The following GALNT6 variants were observed in gnomAD, a reference collection of about 807,000 sequenced individuals.
The protein encoded by GALNT6 is polypeptide N-acetylgalactosaminyltransferase 6, also known as GalNAc transferase 6.
Under a neutral mutation model 65.9 loss-of-function variants are expected in GALNT6, and 51 were observed. The observed-to-expected ratio is 0.77, with a 90% CI of 0.62 to 0.98. GALNT6 has a LOEUF of 0.98. Among genes scored for constraint, GALNT6 ranks in the 50% least tolerant of loss-of-function variants. GALNT6 has a pLI of 0.00. For missense variants in GALNT6, 708 were observed against 803.3 expected (o/e 0.88, Z 1.43); for synonymous variants, 323 against 315.1 (o/e 1.02, Z -0.26).
rs1352148628 is a variant in GALNT6 at position 51,360,948 on chromosome 12, C to T, written c.1050-110G>A. 15 of 663,632 alleles carry T rather than the reference C, an allele frequency of 2.3e-5. No individual in the cohort carries two copies. The African/African-American group carries it at 2.5e-4, about 11-fold the overall frequency. 41.1% of individuals were successfully genotyped at this position (663,632 alleles called of 1,614,324 possible). A position where few individuals can be genotyped will look rare whatever the true frequency, so the allele number is the denominator to read the frequency against. ...TCCTAACCCACCTCCCCCTCCTTTC[C>T]TCTTTCTCAGGACGTGCAGCCCCTC... On this transcript the variant is annotated intron_variant, in intron 6 of 11. Transcript: ENST00000356317.
In GALNT6 at chr12:51,379,740, G is replaced by C. The variant is rs375373484; in HGVS notation, c.42C>G (p.Ala14=). ...AGAGCACAAAGGCGCAGCCCACCAT[G>C]GCCAGGCGCAGGGGCATGTGGCGTC... is the stretch of plus-strand genomic sequence containing the variant. ...LRRRHMPLRL[A]MVGCAFVLFL... Residue 14 remains alanine, a synonymous_variant, in exon 3 of 12, where the codon GCC becomes GCG. Coordinates refer to ENST00000356317, the MANE Select transcript of GALNT6 (RefSeq NM_007210.4). 6 of 1,612,402 alleles carry C rather than the reference G, an allele frequency of 3.7e-6. No individual in the cohort carries two copies. The African/African-American group carries it at 8.0e-5, about 22-fold the overall frequency.
chr12:51,355,826 C>T lies in GALNT6; in HGVS notation c.1735G>A (p.Glu579Lys), dbSNP rs749412571. The T allele has an allele frequency of 9.3e-6, 15 of 1,613,446 alleles. No individual in the cohort carries two copies. The highest frequency in any genetic ancestry group is 2.2e-5 in the South Asian group (2 of 91,046). Residue 579 changes from glutamate (E) to lysine (K), a missense_variant, in exon 11 of 12, where the codon GAG (glutamate) becomes AAG (lysine). Coordinates refer to ENST00000356317, the MANE Select transcript of GALNT6 (RefSeq NM_007210.4). The part of the protein sequence containing the change: ...TGKNSQVPKD[E>K]EWELAQDQLI... ...CTCACCTGGGCCAATTCCCATTCCTCGTCCTTGGGGACCTGGCTATTCTTG... is the reference window on the plus strand; with the variant it reads ...CTCACCTGGGCCAATTCCCATTCCTTGTCCTTGGGGACCTGGCTATTCTTG...
intron 2 of GALNT6, among the ~76,000 whole-genome samples, chr12:51,380,303 C>G (rs1382102951): frequency 6.6e-6 from 1 of 152,104 alleles, no homozygotes; most frequent in Non-Finnish European, 1.5e-5. Context: ...ACATTTAAGC[C>G]AACACTGACT....
chr12:51,368,577 T>G (rs1334704998), intron 4 of GALNT6, among the ~76,000 whole-genome samples: 1 of 152,016 alleles, frequency 6.6e-6, no homozygotes, highest in African/African-American at 2.4e-5. Context: ...GCTAATTTTT[T>G]GTATTTTTTG....
chr12:51,357,221 C>T (rs530237597), intron 10 of GALNT6, 128 bp downstream of exon 10: 671 of 639,952 alleles, frequency 1.0e-3, no homozygotes, highest in Non-Finnish European at 1.5e-3. Flanking sequence ...CCTTCTCCTC[C>T]GACTGGAAGC....
intron 4 of GALNT6, among the ~76,000 whole-genome samples, chr12:51,366,544 G>A (rs1346427614): frequency 6.6e-6 from 1 of 152,142 alleles, no homozygotes; most frequent in Non-Finnish European, 1.5e-5. Flanking sequence ...CACCTACCAC[G>A]GACCAGGCAC....
intron 11 of GALNT6, among the ~76,000 whole-genome samples, chr12:51,355,555 C>T (rs1000783621): frequency 3.3e-5 from 5 of 152,128 alleles, no homozygotes; most frequent in East Asian, 1.9e-4. Flanking sequence ...CTGCAACCTC[C>T]GCCTCCTGGG....
In GALNT6 at chr12:51,357,394, C is replaced by A. The variant is rs148799204; in HGVS notation, c.1557G>T (p.Gly519=). The change falls in exon 10 of 12, where the codon GGG becomes GGT. Residue 519 remains glycine (G), a synonymous_variant. Transcript: ENST00000356317. Reference sequence around the variant, plus strand: ...GGCAGGAGTACATGATGAGGGGCTTCCCCCCGCGGTTGTTCTCACCCACAT... The same window carrying A: ...GGCAGGAGTACATGATGAGGGGCTTACCCCCGCGGTTGTTCTCACCCACAT... ...CLDVGENNRG[G]KPLIMYSCHG... is the part of the protein sequence containing the mutation. 9.4e-5 allele frequency: 151 copies of A among 1,613,446 alleles called. No individual in the cohort carries two copies. The highest frequency in any genetic ancestry group is 3.0e-4 in the Admixed American group (18 of 60,002).
intron 10 of GALNT6, among the ~76,000 whole-genome samples, chr12:51,357,127 C>T (rs1946771516): frequency 6.6e-6 from 1 of 152,162 alleles, no homozygotes; most frequent in African/African-American, 2.4e-5. Flanking sequence ...GATGAACAAC[C>T]CTCCCTCCCA....
At chr12:51,358,887 TCTC>T (rs1946831506) in intron 8 of GALNT6, among the ~76,000 whole-genome samples, 1 of 151,918 alleles carries the variant, frequency 6.6e-6, no homozygotes, top group East Asian at 1.9e-4. Flanking sequence ...TTCCTCCAAA[TCTC>T]CTTTCCCTCC....
Position 51,354,448 on chromosome 12 carries a change from G to A in GALNT6, c.1800C>T (p.Ser600=). 1 of 1,593,372 alleles carries A rather than the reference G, an allele frequency of 6.3e-7. No homozygotes were observed. The highest frequency in any genetic ancestry group is 8.5e-7 in the Non-Finnish European group (1 of 1,172,250). The change falls in exon 12 of 12, where the codon TCC becomes TCT. Residue 600 remains serine (S), a synonymous_variant. Coordinates refer to ENST00000356317, the MANE Select transcript of GALNT6 (RefSeq NM_007210.4). The stretch of plus-strand genomic sequence containing the variant: ...GGGCCATGGCTGGCTTTTTGTCCTG[G>A]GATGTCAGGCAGGTACCAGATCCTG... The part of the protein sequence containing the change: ...RNSGSGTCLT[S]QDKKPAMAPC...
rs769886850 is a variant in GALNT6, at chr12:51,360,738, C to T, written c.1150G>A (p.Val384Met). 65 of 1,603,966 alleles carry T rather than the reference C, an allele frequency of 4.1e-5. No individual in the cohort carries two copies. The highest frequency in any genetic ancestry group is 5.2e-5 in the Non-Finnish European group (61 of 1,170,898). ...NQMEIWGGEN[V>M]EMSFRVWQCG... Reference sequence around the variant, plus strand: ...ACTCTCACCCGGAAGGACATTTCCACGTTCTCCCCTCCCCAGATCTCCATC... The same window carrying T: ...ACTCTCACCCGGAAGGACATTTCCATGTTCTCCCCTCCCCAGATCTCCATC... Residue 384 changes from valine (V) to methionine (M), a missense_variant, in exon 7 of 12, where the codon GTG (valine) becomes ATG (methionine). Val to Met is a conservative substitution (Grantham distance 21). Coordinates refer to ENST00000356317, the MANE Select transcript of GALNT6 (RefSeq NM_007210.4).
chr12:51,381,510 T>C (rs562984870), intron 2 of GALNT6, among the ~76,000 whole-genome samples: 5 of 152,296 alleles, frequency 3.3e-5, no homozygotes, highest in African/African-American at 1.2e-4. Flanking sequence ...CCTCTTCTAG[T>C]AGTAGCACCT....
chr12:51,364,675 T>G (rs1413449970), intron 5 of GALNT6, among the ~76,000 whole-genome samples: 1 of 152,214 alleles, frequency 6.6e-6, no homozygotes, highest in African/African-American at 2.4e-5. Context: ...GGCCCAGCCC[T>G]CCGGGCCCAC....
rs565663657 is a variant in GALNT6, at chr12:51,351,864, C to A, written c.*2515G>T. ...GGACAACACAGGTAAGAGAACACAA[C>A]GCGAGTTTCCTTGACCAATGCCAGA... On this transcript the variant is annotated 3_prime_UTR_variant, in exon 12 of 12. Coordinates refer to ENST00000356317, the MANE Select transcript of GALNT6 (RefSeq NM_007210.4). 6.6e-6 allele frequency: 1 copy of A among 152,226 alleles called. No homozygotes were observed. Among genetic ancestry groups the A allele is most frequent in the South Asian group, 2.1e-4 (1 of 4,820 alleles). 9.4% of individuals were successfully genotyped at this position (152,226 alleles called of 1,614,324 possible).
At chr12:51,385,305 A>G (rs1947797646) in intron 2 of GALNT6, among the ~76,000 whole-genome samples, 1 of 152,190 alleles carries the variant, frequency 6.6e-6, no homozygotes, top group Non-Finnish European at 1.5e-5. Flanking sequence ...GTAAACTTTT[A>G]TTTTAATGTT....
chr12:51,369,782 C>G (rs867068939), intron 4 of GALNT6, among the ~76,000 whole-genome samples: 4 of 152,272 alleles, frequency 2.6e-5, no homozygotes, highest in Middle Eastern at 3.4e-3. Flanking sequence ...ATGCTAGAAT[C>G]CCCCCTGCTG....
chr12:51,385,531 G>A (rs544408762), intron 2 of GALNT6, among the ~76,000 whole-genome samples: 6 of 152,118 alleles, frequency 3.9e-5, no homozygotes, highest in South Asian at 2.1e-4. Flanking sequence ...CACAGGTACC[G>A]GGTCTCGCTA....
chr12:51,379,280 G>A lies in GALNT6; in HGVS notation c.491+11C>T. 1.3e-6 allele frequency: 2 copies of A among 1,519,730 alleles called. No individual in the cohort carries two copies. The highest frequency in any genetic ancestry group is 1.8e-6 in the Non-Finnish European group (2 of 1,136,772). The allele number at this position is 1,519,730 out of a possible 1,614,324, so 94.1% of individuals were successfully genotyped here. On this transcript the variant is annotated intron_variant, in intron 3 of 11. Transcript: ENST00000356317. Reference sequence around the variant, plus strand: ...CCTGGTCTCCCCACAAGGACTCTGGGTGCTACTTACTCAGGTGGTCGGGTG... The same window carrying A: ...CCTGGTCTCCCCACAAGGACTCTGGATGCTACTTACTCAGGTGGTCGGGTG...
Sources: gnomAD v4.1 joint callset for allele counts (sites outside exome capture counted in the v4.1 genomes callset) on GRCh38, gnomAD v4.1.1 for gene constraint, MANE v1.5 for transcripts, NCBI Gene and HGNC (gene_info 2026-07-23, HGNC 2026-07-21) for gene names.